VPS8: variants seen among roughly 807,000 people sequenced by gnomAD.
VPS8 encodes the protein vacuolar protein sorting-associated protein 8 homolog.
A neutral mutation model predicts 216.4 loss-of-function variants in VPS8; 129 were observed. The observed-to-expected ratio is 0.60, with a 90% CI of 0.52 to 0.69. The LOEUF is 0.69. Ranked by LOEUF, VPS8 falls within the 30% of genes least tolerant of loss-of-function variation. VPS8 has a pLI of 0.00. For missense variants in VPS8, 1,531 were observed against 1,683.5 expected (o/e 0.91, Z 1.59); for synonymous variants, 571 against 565.4 (o/e 1.01, Z -0.14).
rs1352833392 is a variant in VPS8 at position 184,852,622 on chromosome 3, G to T, written c.821+55G>T. ...ATGAAAAGACTAGCTCTGTTTTAATGATTTGAAATTGAACATGAAGAGGAC... is the reference window on the plus strand; with the variant it reads ...ATGAAAAGACTAGCTCTGTTTTAATTATTTGAAATTGAACATGAAGAGGAC... On this transcript the variant is annotated intron_variant, in intron 11 of 47. Coordinates refer to ENST00000625842, the MANE Select transcript of VPS8 (RefSeq NM_001009921.3). The T allele has an allele frequency of 3.9e-6, 6 of 1,541,324 alleles. No homozygotes were observed. The African/African-American group carries it at 5.5e-5, about 14-fold the overall frequency.
intron 1 of VPS8, among the ~76,000 whole-genome samples, chr3:184,821,998 CAA>C (rs1717702290): frequency 6.6e-6 from 1 of 152,040 alleles, no homozygotes; most frequent in Non-Finnish European, 1.5e-5. Flanking sequence ...CTTCCCAGAA[CAA>C]GAGACGCTGT....
At chr3:184,909,311 A>G (rs1578193169) in intron 25 of VPS8, among the ~76,000 whole-genome samples, 1 of 152,216 alleles carries the variant, frequency 6.6e-6, no homozygotes, top group African/African-American at 2.4e-5. Context: ...ATTTTTAGTT[A>G]ATTTCAAGAG....
chr3:184,848,981 C>A, intron 8 of VPS8, 90 bp from the exon 9 acceptor site: 1 of 1,392,048 alleles, frequency 7.2e-7, no homozygotes, highest in Non-Finnish European at 9.9e-7. Context: ...TGATTCTTGT[C>A]ACCTCCCAAG....
At chr3:185,030,865 C>T (rs192325258) in intron 46 of VPS8, among the ~76,000 whole-genome samples, 17 of 152,050 alleles carry the variant, frequency 1.1e-4, no homozygotes, top group African/African-American at 2.9e-4. Context: ...TGGGCTCAAG[C>T]GATTCTCCCA....
intron 3 of VPS8, among the ~76,000 whole-genome samples, chr3:184,828,089 A>G (rs536851106): frequency 9.9e-5 from 15 of 152,192 alleles, no homozygotes; most frequent in Non-Finnish European, 2.1e-4. Flanking sequence ...ATTAATATCA[A>G]CCTTAAAGGA....
At chr3:184,856,591 G>A (rs1019335459) in intron 14 of VPS8, among the ~76,000 whole-genome samples, 2 of 152,154 alleles carry the variant, frequency 1.3e-5, no homozygotes, top group African/African-American at 4.8e-5. Context: ...CTCTTCATAT[G>A]TGCTCTATCA....
intron 14 of VPS8, among the ~76,000 whole-genome samples, chr3:184,859,132 G>A (rs1234634387): frequency 6.6e-6 from 1 of 152,094 alleles, no homozygotes; most frequent in Non-Finnish European, 1.5e-5. Flanking sequence ...GTTAATCGTT[G>A]ATCTCTTTCA....
rs182473374 is a variant in VPS8, at chr3:185,004,128, C to T, written c.4002+4267C>T. On this transcript the variant is annotated intron_variant, in intron 45 of 47. Transcript: ENST00000625842. ...CGGCACCCCGGGAGGCCAAGGCAGG[C>T]GGCCGGGAGGTGGAGGCTGCAGCGA... 4.2e-3 allele frequency among the ~76,000 whole-genome samples: 633 copies of T among 152,318 alleles called. 1 individual carries two copies. Among genetic ancestry groups the T allele is most frequent in the Non-Finnish European group, 6.9e-3 (466 of 68,022 alleles).
intron 45 of VPS8, among the ~76,000 whole-genome samples, chr3:185,002,609 T>TC (rs151212391): frequency 6.6e-6 from 1 of 152,124 alleles, no homozygotes; most frequent in African/African-American, 2.4e-5. Context: ...CTCCAGTCCT[T>TC]CCCCCCTCCC....
intron 16 of VPS8, among the ~76,000 whole-genome samples, chr3:184,866,185 T>G (rs979813546): frequency 2.0e-5 from 3 of 152,204 alleles, no homozygotes; most frequent in African/African-American, 7.2e-5. Flanking sequence ...GTACAAAATG[T>G]GGCATAGCCA....
intron 1 of VPS8, 98 bp from the exon 2 acceptor site, chr3:184,824,447 A>T: frequency 1.6e-6 from 1 of 625,000 alleles, no homozygotes; most frequent in Non-Finnish European, 2.7e-6. Context: ...GTTTAGGTGA[A>T]ATCTGACCAA....
chr3:184,996,902 A>G (rs1179206750), intron 44 of VPS8, among the ~76,000 whole-genome samples: 1 of 152,208 alleles, frequency 6.6e-6, no homozygotes, highest in African/African-American at 2.4e-5. Context: ...GATGTGGAGT[A>G]TAAGAGAAAA....
chr3:184,978,270 G>C (rs1262970038), intron 40 of VPS8, among the ~76,000 whole-genome samples: 2 of 151,770 alleles, frequency 1.3e-5, no homozygotes, highest in Non-Finnish European at 2.9e-5. Context: ...TATTTCTGGG[G>C]GTCAGTGTTA....
chr3:184,860,310 A>G (rs1726046538), intron 15 of VPS8, among the ~76,000 whole-genome samples: 1 of 150,186 alleles, frequency 6.7e-6, no homozygotes, highest in Non-Finnish European at 1.5e-5. Context: ...TAGTCACTGC[A>G]CTCCAGCCTG....
chr3:185,017,783 G>A (rs1182651108), intron 45 of VPS8, among the ~76,000 whole-genome samples: 2 of 152,174 alleles, frequency 1.3e-5, no homozygotes, highest in African/African-American at 4.8e-5. Context: ...TTGTACGGGG[G>A]TGAGGGAATG....
At chr3:184,911,148 A>G (rs1262587588) in intron 25 of VPS8, among the ~76,000 whole-genome samples, 1 of 152,224 alleles carries the variant, frequency 6.6e-6, no homozygotes, top group African/African-American at 2.4e-5. Context: ...TTGGGAAGAG[A>G]AAGGTTGTAG....
At chr3:184,923,671 C>G (rs1172022892) in intron 29 of VPS8, among the ~76,000 whole-genome samples, 1 of 152,184 alleles carries the variant, frequency 6.6e-6, no homozygotes, top group African/African-American at 2.4e-5. Flanking sequence ...CTCATCTTCT[C>G]TTTTAATCTA....
intron 4 of VPS8, among the ~76,000 whole-genome samples, 199 bp downstream of exon 4, chr3:184,833,018 C>T (rs1224870029): frequency 2.0e-5 from 3 of 151,990 alleles, no homozygotes; most frequent in Non-Finnish European, 2.9e-5. Flanking sequence ...TCTGAACTCT[C>T]GGTAGGAAAC....
At chr3:184,986,939 T>G (rs1263591862) in intron 42 of VPS8, among the ~76,000 whole-genome samples, 1 of 152,206 alleles carries the variant, frequency 6.6e-6, no homozygotes, top group Non-Finnish European at 1.5e-5. Flanking sequence ...TTATAATTAT[T>G]AACTAAAGTC....
Sources: allele counts gnomAD v4.1 joint callset (sites outside exome capture counted in the v4.1 genomes callset), GRCh38; gene constraint gnomAD v4.1.1; transcripts MANE v1.5; gene names NCBI Gene and HGNC (gene_info 2026-07-23, HGNC 2026-07-21).